SNX18: variants seen among roughly 807,000 people sequenced by gnomAD.
SNX18 encodes sorting nexin 18.
Under a neutral mutation model 48.7 loss-of-function variants are expected in SNX18, and 35 were observed. The ratio of observed to expected loss-of-function variants is 0.72; its 90% CI spans 0.55 to 0.95. SNX18 has a LOEUF of 0.95. SNX18 is among the 40% of genes least tolerant of loss of function. SNX18 has a pLI of 0.00. For synonymous variants in SNX18, 492 were observed against 384.7 expected (o/e 1.28, Z -3.26); for missense variants, 824 against 871.0 (o/e 0.95, Z 0.68).
the SNX18 span, among the ~76,000 whole-genome samples, chr5:54,610,365 C>T: frequency 1.1e-4 from 16 of 152,274 alleles, no homozygotes; most frequent in East Asian, 2.5e-3. Flanking sequence ...CGACTTTACA[C>T]ACAAAGGAAT....
chr5:54,555,583 C>T, the SNX18 span, among the ~76,000 whole-genome samples: 3 of 151,652 alleles, frequency 2.0e-5, no homozygotes, highest in African/African-American at 7.3e-5. Flanking sequence ...GCCTGTAATC[C>T]CAGCGCTTTG....
chr5:54,617,290 C>A, the SNX18 span, among the ~76,000 whole-genome samples: 1 of 152,164 alleles, frequency 6.6e-6, no homozygotes, highest in Non-Finnish European at 1.5e-5. Context: ...CAGAACAGAA[C>A]AGAACAGAAT....
At chr5:54,602,518 GA>G in the SNX18 span, among the ~76,000 whole-genome samples, 2 of 152,184 alleles carry the variant, frequency 1.3e-5, no homozygotes, top group Admixed American at 1.3e-4. Flanking sequence ...TACCTGAGGC[GA>G]ATCCATAGGA....
At chr5:54,607,131 T>G in the SNX18 span, among the ~76,000 whole-genome samples, 1 of 152,174 alleles carries the variant, frequency 6.6e-6, no homozygotes, top group African/African-American at 2.4e-5. Context: ...TCTGACTCCA[T>G]TTTCTGATGT....
At chr5:54,618,860 A>C in the SNX18 span, among the ~76,000 whole-genome samples, 2 of 152,210 alleles carry the variant, frequency 1.3e-5, no homozygotes, top group Non-Finnish European at 2.9e-5. Context: ...ACATCTCCGT[A>C]GTTAATAAAG....
intron 1 of SNX18, among the ~76,000 whole-genome samples, chr5:54,524,084 C>G (rs1762082109): frequency 6.6e-6 from 1 of 152,222 alleles, no homozygotes; most frequent in Non-Finnish European, 1.5e-5. Context: ...CATTTACCCC[C>G]AGCTGTTCTC....
rs1415180937 is a variant in SNX18 at position 54,544,599 on chromosome 5, T to G, written c.*1167T>G. On this transcript the variant is annotated 3_prime_UTR_variant, in exon 2 of 2. Coordinates refer to ENST00000381410, the MANE Select transcript of SNX18 (RefSeq NM_001102575.2). The stretch of plus-strand genomic sequence containing the variant: ...TACTGAAGGAAAAAGATAATTGATT[T>G]ATACTATGTTTTAAAAAAAAAAAAG... 6.8e-6 allele frequency: 1 copy of G among 147,896 alleles called. No homozygotes were observed. The highest frequency in any genetic ancestry group is 1.5e-5 in the Non-Finnish European group (1 of 67,030). 9.2% of individuals were successfully genotyped at this position (147,896 alleles called of 1,614,324 possible).
intron 1 of SNX18, among the ~76,000 whole-genome samples, chr5:54,523,685 TC>T (rs1762074880): frequency 6.6e-6 from 1 of 152,228 alleles, no homozygotes; most frequent in African/African-American, 2.4e-5. Flanking sequence ...GAGCCTTTTT[TC>T]AATAAAAGCC....
chr5:54,620,303 G>A, the SNX18 span, among the ~76,000 whole-genome samples: 1 of 152,108 alleles, frequency 6.6e-6, no homozygotes, highest in African/African-American at 2.4e-5. Context: ...GAGCTTTGGG[G>A]AAGGAAGCAG....
chr5:54,581,776 C>T, the SNX18 span, among the ~76,000 whole-genome samples: 133 of 152,336 alleles, frequency 8.7e-4, no homozygotes, highest in Admixed American at 1.9e-3. Flanking sequence ...AAGTCCTCCA[C>T]GTGGGTGGTG....
intron 1 of SNX18, among the ~76,000 whole-genome samples, chr5:54,523,153 T>G (rs1762064138): frequency 3.3e-5 from 5 of 152,218 alleles, no homozygotes; most frequent in Admixed American, 3.3e-4. Context: ...ATGTAACCCC[T>G]GTGGTCTTGA....
chr5:54,527,539 A>G (rs1762159668), intron 1 of SNX18, among the ~76,000 whole-genome samples: 1 of 152,192 alleles, frequency 6.6e-6, no homozygotes, highest in African/African-American at 2.4e-5. Context: ...GGGAGCAGCA[A>G]TCAGGAATTG....
chr5:54,546,870 T>A (rs1762584019), downstream of SNX18, among the ~76,000 whole-genome samples: 1 of 152,212 alleles, frequency 6.6e-6, no homozygotes, highest in African/African-American at 2.4e-5. Flanking sequence ...ATGAGTCCAA[T>A]ACCTGAGACA....
downstream of SNX18, among the ~76,000 whole-genome samples, chr5:54,548,632 T>C (rs1044404787): frequency 1.3e-5 from 2 of 152,188 alleles, no homozygotes; most frequent in Non-Finnish European, 2.9e-5. Context: ...GAGTATTAGA[T>C]AAACCACCAT....
the SNX18 span, among the ~76,000 whole-genome samples, chr5:54,626,053 T>C: frequency 4.5e-3 from 689 of 152,308 alleles, 23 homozygotes; most frequent in East Asian, 0.086. Context: ...GATTTTTCTG[T>C]TGCATGATCC....
chr5:54,597,331 G>A, the SNX18 span, among the ~76,000 whole-genome samples: 373 of 152,158 alleles, frequency 2.5e-3, 2 homozygotes, highest in Non-Finnish European at 4.1e-3. Context: ...ATAGAACATC[G>A]AGACAGAAAA....
the SNX18 span, among the ~76,000 whole-genome samples, chr5:54,611,303 C>T: frequency 6.6e-6 from 1 of 152,124 alleles, no homozygotes; most frequent in Admixed American, 6.6e-5. Flanking sequence ...TGGCCTCACC[C>T]GCCCCAGTAG....
intron 1 of SNX18, among the ~76,000 whole-genome samples, chr5:54,537,646 G>A (rs1762382193): frequency 6.6e-6 from 1 of 152,032 alleles, no homozygotes; most frequent in African/African-American, 2.4e-5. Context: ...TGAAAGCAGA[G>A]TGGTGGCAAT....
chr5:54,640,553 A>G, the SNX18 span, among the ~76,000 whole-genome samples: 2 of 152,204 alleles, frequency 1.3e-5, no homozygotes, highest in African/African-American at 4.8e-5. Context: ...GCTCTGGCCT[A>G]CAAGACGAAA....
Sources: allele counts gnomAD v4.1 joint callset (sites outside exome capture counted in the v4.1 genomes callset), GRCh38; gene constraint gnomAD v4.1.1; transcripts MANE v1.5; gene names NCBI Gene and HGNC (gene_info 2026-07-23, HGNC 2026-07-21).